The following FMN1 variants were observed in gnomAD, a reference collection of about 807,000 sequenced individuals.
FMN1 encodes the protein formin-1.
Under a neutral mutation model 132.4 loss-of-function variants are expected in FMN1, and 110 were observed. That is an observed-to-expected ratio of 0.83 (90% CI 0.71 to 0.97). FMN1 has a LOEUF of 0.97. Ranked by LOEUF, FMN1 falls within the 50% of genes least tolerant of loss-of-function variation. The pLI, the probability that FMN1 is intolerant of heterozygous loss-of-function variation, is 0.00. For synonymous variants in FMN1, 722 were observed against 651.7 expected (o/e 1.11, Z -1.64); for missense variants, 1,792 against 1,705.3 (o/e 1.05, Z -0.90).
chr15:32,850,726 CT>C (rs2058989080), intron 17 of FMN1, among the ~76,000 whole-genome samples: 1 of 152,154 alleles, frequency 6.6e-6, no homozygotes, highest in Non-Finnish European at 1.5e-5. Context: ...TATATAATTC[CT>C]TTTGCATTCA....
At chr15:32,985,331 T>C (rs1480831658) in intron 7 of FMN1, among the ~76,000 whole-genome samples, 1 of 152,156 alleles carries the variant, frequency 6.6e-6, no homozygotes, top group Admixed American at 6.6e-5. Flanking sequence ...TTTGAGATTA[T>C]CCTGCCTGCT....
At chr15:33,021,069 A>T (rs1248952200) in intron 6 of FMN1, among the ~76,000 whole-genome samples, 1 of 152,188 alleles carries the variant, frequency 6.6e-6, no homozygotes, top group Non-Finnish European at 1.5e-5. Context: ...GCATAGTTTG[A>T]CTTGCCTCCG....
At chr15:32,823,643 A>T (rs1458114429) in intron 17 of FMN1, among the ~76,000 whole-genome samples, 2 of 152,206 alleles carry the variant, frequency 1.3e-5, no homozygotes, top group Admixed American at 1.3e-4. Context: ...GAGCATTTTT[A>T]AAGATTTGTA....
intron 3 of FMN1, among the ~76,000 whole-genome samples, chr15:33,178,191 C>G (rs1264027889): frequency 6.6e-6 from 1 of 152,190 alleles, no homozygotes; most frequent in African/African-American, 2.4e-5. Flanking sequence ...ATTTCCACTT[C>G]TATTCTAGAA....
intron 4 of FMN1, among the ~76,000 whole-genome samples, chr15:33,129,787 A>ATTTT (rs61564380): frequency 8.2e-6 from 1 of 121,752 alleles, no homozygotes; most frequent in African/African-American, 3.1e-5. Flanking sequence ...TTGACTAGCA[A>ATTTT]TTTTTTTTTT....
chr15:33,149,696 C>A (rs1964368660), intron 4 of FMN1: 1 of 761,088 alleles, frequency 1.3e-6, no homozygotes, highest in South Asian at 6.1e-5. Context: ...TCCTATTTTC[C>A]CTCCATTAAT....
In FMN1 at chr15:33,067,499, C is replaced by A. The variant is rs754049230; in HGVS notation, c.2044-2425G>T. 2.2e-5 allele frequency: 35 copies of A among 1,613,822 alleles called. No homozygotes were observed. In the South Asian group the frequency reaches 3.8e-4, roughly 18 times the overall value. On this transcript the variant is annotated intron_variant, in intron 5 of 20. Coordinates refer to ENST00000616417, the MANE Select transcript of FMN1 (RefSeq NM_001277313.2). ...AACACAAATGACATCGTCTTTTGTCCCTTTCAAAGTAGACAGTGGAAGCAG... is the reference window on the plus strand; with the variant it reads ...AACACAAATGACATCGTCTTTTGTCACTTTCAAAGTAGACAGTGGAAGCAG...
chr15:33,176,316 G>A (rs917199936), intron 3 of FMN1, among the ~76,000 whole-genome samples: 20 of 152,024 alleles, frequency 1.3e-4, no homozygotes, highest in African/African-American at 4.8e-4. Flanking sequence ...GACCAGCCTG[G>A]CCAAGATAGT....
Position 33,132,266 on chromosome 15 carries a change from C to T in FMN1, c.1867+20782G>A, listed in dbSNP as rs1963580998. On this transcript the variant is annotated intron_variant, in intron 4 of 20. Transcript: ENST00000616417. ...CAGCTGAATATTTTCAATAAATCAG[C>T]ACTTCTCCAAAACTACTCAACAGCT... Among the ~76,000 whole-genome samples the T allele has an allele frequency of 3.3e-5, 5 of 152,062 alleles. No homozygotes were observed. In the South Asian group the frequency reaches 1.0e-3, roughly 31 times the overall value.
intron 11 of FMN1, among the ~76,000 whole-genome samples, chr15:32,909,018 T>A (rs1173803739): frequency 6.6e-6 from 1 of 152,188 alleles, no homozygotes; most frequent in African/African-American, 2.4e-5. Flanking sequence ...GTCAACAACG[T>A]CCCTTTTTCC....
chr15:33,059,379 A>T (rs935246166), intron 6 of FMN1, among the ~76,000 whole-genome samples: 3 of 152,164 alleles, frequency 2.0e-5, no homozygotes, highest in African/African-American at 7.2e-5. Flanking sequence ...TATCTTTTAC[A>T]TATTGGTTTC....
intron 9 of FMN1, among the ~76,000 whole-genome samples, chr15:32,958,115 T>A (rs929641329): frequency 2.5e-4 from 38 of 152,316 alleles, no homozygotes; most frequent in African/African-American, 7.9e-4. Context: ...TGGAGTTACA[T>A]AGAAAGCACA....
At chr15:33,163,515 A>G (rs1415896374) in intron 3 of FMN1, among the ~76,000 whole-genome samples, 3 of 151,800 alleles carry the variant, frequency 2.0e-5, no homozygotes, top group South Asian at 4.2e-4. Context: ...GCTAGTCTTG[A>G]ACTCCTGACC....
intron 7 of FMN1, among the ~76,000 whole-genome samples, chr15:32,986,594 T>G (rs766680452): frequency 2.6e-5 from 4 of 152,136 alleles, no homozygotes; most frequent in Non-Finnish European, 4.4e-5. Flanking sequence ...GCTCAATGCC[T>G]TAACCAGTTA....
At chr15:33,043,735 C>T (rs888292485) in intron 6 of FMN1, among the ~76,000 whole-genome samples, 1 of 152,228 alleles carries the variant, frequency 6.6e-6, no homozygotes, top group Non-Finnish European at 1.5e-5. Flanking sequence ...ATGGCCAGGG[C>T]TACATGCTCC....
At chr15:33,074,578 T>C (rs1247107384) in intron 5 of FMN1, among the ~76,000 whole-genome samples, 1 of 152,138 alleles carries the variant, frequency 6.6e-6, no homozygotes, top group African/African-American at 2.4e-5. Context: ...TCTGTAGAAA[T>C]GGATTGAATA....
chr15:33,108,395 G>A (rs1461304512), intron 4 of FMN1, among the ~76,000 whole-genome samples: 1 of 152,042 alleles, frequency 6.6e-6, no homozygotes, highest in African/African-American at 2.4e-5. Context: ...AGTAGGGAAA[G>A]GAGATAATGG....
intron 7 of FMN1, among the ~76,000 whole-genome samples, chr15:32,991,845 G>C (rs186746209): frequency 2.0e-5 from 3 of 152,292 alleles, no homozygotes; most frequent in Admixed American, 6.5e-5. Flanking sequence ...GATCCAATAA[G>C]AGAGCTGCTT....
intron 4 of FMN1, among the ~76,000 whole-genome samples, chr15:33,101,020 T>C (rs1161047120): frequency 1.3e-5 from 2 of 152,216 alleles, no homozygotes; most frequent in Non-Finnish European, 2.9e-5. Context: ...GTTTCTTCTT[T>C]ATATTTTTCT....
Sources: gnomAD v4.1 joint callset for allele counts (sites outside exome capture counted in the v4.1 genomes callset) on GRCh38, gnomAD v4.1.1 for gene constraint, MANE v1.5 for transcripts, NCBI Gene and HGNC (gene_info 2026-07-23, HGNC 2026-07-21) for gene names.